Variants in IGSF5 observed in about 807,000 individuals in gnomAD.
The protein encoded by IGSF5 is immunoglobulin superfamily 5 like.
IGSF5 carries 41 observed loss-of-function variants against 39.4 expected under a neutral mutation model. That is an observed-to-expected ratio of 1.04 (90% confidence interval 0.81 to 1.35). The LOEUF (loss-of-function observed/expected upper bound fraction) is 1.35, where lower values mean the gene tolerates loss of function less well. Ranked by LOEUF, IGSF5 falls within the 40% of genes most tolerant of loss-of-function variation. The pLI is 0.00. For synonymous variants in IGSF5, 183 were observed against 175.3 expected, an observed-to-expected ratio of 1.04 and a Z score of -0.34; for missense variants, 487 against 494.6, an observed-to-expected ratio of 0.98 and a Z score of 0.15.
At chr21:39,743,529 G>A (rs1038574899), upstream of IGSF5, among the ~76,000 whole-genome samples, 2 of 152,172 alleles carry the variant, frequency 1.3e-5, no homozygotes, top group African/African-American at 4.8e-5. Flanking sequence ...GGGCATAATC[G>A]GGGAATATTG....
chr21:39,771,280 A>C, intron 4 of IGSF5, 65 bp downstream of exon 4: 1 of 1,387,032 alleles, frequency 7.2e-7, no homozygotes, highest in South Asian at 1.8e-5. Context: ...ATTACGTAGA[A>C]TGCTCCTTCA....
At chr21:39,793,780 C>T (rs771950803) in intron 8 of IGSF5, among the ~76,000 whole-genome samples, 167 bp downstream of exon 8, 10 of 152,126 alleles carry the variant, frequency 6.6e-5, no homozygotes, top group Admixed American at 2.0e-4. Flanking sequence ...GGGGCTGAGA[C>T]GTGGACTGTT....
upstream of IGSF5, among the ~76,000 whole-genome samples, chr21:39,745,114 C>T (rs113026102): frequency 0.038 from 5,752 of 151,544 alleles, 364 homozygotes; most frequent in African/African-American, 0.13. Context: ...CCTTGGAATC[C>T]GTGAGGCCAA....
intron 2 of IGSF5, among the ~76,000 whole-genome samples, chr21:39,752,767 CAT>C (rs2080011845): frequency 6.6e-6 from 1 of 152,142 alleles, no homozygotes; most frequent in Non-Finnish European, 1.5e-5. Context: ...GAGTATTTTT[CAT>C]ATGTTTGTTG....
upstream of IGSF5, among the ~76,000 whole-genome samples, chr21:39,741,381 A>T (rs1481690940): frequency 6.6e-6 from 1 of 152,230 alleles, no homozygotes; most frequent in Non-Finnish European, 1.5e-5. Flanking sequence ...ATAAGCCAGT[A>T]TAGGCTGGAT....
chr21:39,771,442 C>G (rs1205691215), intron 4 of IGSF5, among the ~76,000 whole-genome samples: 8 of 152,160 alleles, frequency 5.3e-5, no homozygotes, highest in Non-Finnish European at 7.4e-5. Context: ...CATTTGAAAA[C>G]CATTTAGAAT....
chr21:39,754,528 T>A (rs2837155), intron 2 of IGSF5, among the ~76,000 whole-genome samples: 1 of 151,998 alleles, frequency 6.6e-6, no homozygotes, highest in Non-Finnish European at 1.5e-5. Flanking sequence ...AAGCACCAAT[T>A]TTCTTTCTGA....
intron 2 of IGSF5, among the ~76,000 whole-genome samples, chr21:39,757,579 CT>C (rs35315186): frequency 0.053 from 6,869 of 130,664 alleles, 481 homozygotes; most frequent in African/African-American, 0.16. Context: ...AATGTGCATT[CT>C]TTTTTTTTTT....
chr21:39,733,585 C>T, the IGSF5 span, among the ~76,000 whole-genome samples: 12 of 152,194 alleles, frequency 7.9e-5, no homozygotes, highest in Non-Finnish European at 1.5e-5. Flanking sequence ...GTTAAGTGGT[C>T]ATATTAGCCT....
chr21:39,764,721 A>T (rs2837185), intron 2 of IGSF5, among the ~76,000 whole-genome samples: 1 of 152,062 alleles, frequency 6.6e-6, no homozygotes, highest in Non-Finnish European at 1.5e-5. Context: ...ATGTTGGCAG[A>T]CCACCTGGTT....
rs184129693 is a variant in IGSF5 at position 39,761,626 on chromosome 21, G to T, written c.101-3909G>T. Among the ~76,000 whole-genome samples the T allele has an allele frequency of 1.3e-3, 194 of 152,316 alleles. 2 individuals are homozygous for T. The highest frequency in any genetic ancestry group is 0.012 in the East Asian group (62 of 5,172). Reference sequence around the variant, plus strand: ...CATGAACAGATACTTCTCAAAAGAAGATGTACAAGATGATGGCATGAATAG... The same window carrying T: ...CATGAACAGATACTTCTCAAAAGAATATGTACAAGATGATGGCATGAATAG... On this transcript the variant is annotated intron_variant, in intron 2 of 8. Transcript: ENST00000380588.
At chr21:39,762,945 C>A (rs2080068412) in intron 2 of IGSF5, among the ~76,000 whole-genome samples, 1 of 151,966 alleles carries the variant, frequency 6.6e-6, no homozygotes, top group Non-Finnish European at 1.5e-5. Flanking sequence ...CAGTGCTCTG[C>A]CCCCCATCTG....
At chr21:39,785,971 G>A (rs1569257630) in intron 5 of IGSF5, among the ~76,000 whole-genome samples, 2 of 152,018 alleles carry the variant, frequency 1.3e-5, no homozygotes, top group Admixed American at 6.5e-5. Flanking sequence ...ATGGATTAAA[G>A]ACTTAAACGT....
chr21:39,764,546 G>T (rs908140071), intron 2 of IGSF5, among the ~76,000 whole-genome samples: 7 of 152,194 alleles, frequency 4.6e-5, no homozygotes, highest in Non-Finnish European at 1.0e-4. Flanking sequence ...CACCATGTTA[G>T]CCAGGCTGGT....
At chr21:39,759,822 G>A (rs1182619507) in intron 2 of IGSF5, among the ~76,000 whole-genome samples, 1 of 149,692 alleles carries the variant, frequency 6.7e-6, no homozygotes, top group Non-Finnish European at 1.5e-5. Context: ...AGCCGAGATT[G>A]TGACACTGCC....
At chr21:39,784,767 T>G (rs1282834388) in intron 5 of IGSF5, among the ~76,000 whole-genome samples, 1 of 152,206 alleles carries the variant, frequency 6.6e-6, no homozygotes, top group African/African-American at 2.4e-5. Flanking sequence ...AGGTCTGGAT[T>G]TCTCTATGAT....
the IGSF5 span, among the ~76,000 whole-genome samples, chr21:39,736,963 T>A: frequency 6.6e-6 from 1 of 152,148 alleles, no homozygotes; most frequent in African/African-American, 2.4e-5. Flanking sequence ...TACCCTGACC[T>A]CAGATTTCTA....
chr21:39,731,984 C>T, the IGSF5 span, among the ~76,000 whole-genome samples: 10 of 152,164 alleles, frequency 6.6e-5, no homozygotes, highest in African/African-American at 9.7e-5. Flanking sequence ...CATTTGCTCC[C>T]GGAATCCAGC....
upstream of IGSF5, among the ~76,000 whole-genome samples, chr21:39,745,145 C>G (rs184165685): frequency 6.9e-6 from 1 of 144,988 alleles, no homozygotes; most frequent in East Asian, 2.1e-4. Flanking sequence ...CTCTGTCTCT[C>G]TCTCTCTCTT....
Sources: gnomAD v4.1 joint callset for allele counts (sites outside exome capture counted in the v4.1 genomes callset) on GRCh38, gnomAD v4.1.1 for gene constraint, MANE v1.5 for transcripts, NCBI Gene and HGNC (gene_info 2026-07-23, HGNC 2026-07-21) for gene names.